ZNF420: variants seen among roughly 807,000 people sequenced by gnomAD.
ZNF420 encodes zinc finger protein 420.
In ZNF420, 31 loss-of-function variants were observed where a neutral mutation model predicts 44.7. The ratio of observed to expected loss-of-function variants is 0.69; its 90% CI spans 0.52 to 0.94. The LOEUF (loss-of-function observed/expected upper bound fraction) is 0.94. Ranked by LOEUF, ZNF420 falls within the 40% of genes least tolerant of loss-of-function variation. The pLI, the probability that ZNF420 is intolerant of heterozygous loss-of-function variation, is 0.00. For missense variants in ZNF420, 681 were observed against 827.9 expected (o/e 0.82, Z 2.18); for synonymous variants, 245 against 267.4 (o/e 0.92, Z 0.82).
chr19:37,070,387 C>T (rs1599631831), intron 1 of ZNF420, among the ~76,000 whole-genome samples: 1 of 151,868 alleles, frequency 6.6e-6, no homozygotes, highest in African/African-American at 2.4e-5. Context: ...TCTTAAAATG[C>T]AAGAAAGTAC....
intron 4 of ZNF420, among the ~76,000 whole-genome samples, chr19:37,126,445 A>T (rs1376488646): frequency 6.6e-6 from 1 of 152,164 alleles, no homozygotes; most frequent in African/African-American, 2.4e-5. Context: ...AGACCATGGA[A>T]GGGGAAATAA....
At chr19:37,075,436 G>A (rs1424241248), upstream of ZNF420, among the ~76,000 whole-genome samples, 4 of 151,998 alleles carry the variant, frequency 2.6e-5, no homozygotes, top group Non-Finnish European at 4.4e-5. Context: ...TATGAGTGAT[G>A]CTACCTTGCT....
At chr19:37,014,047 G>A (rs1219432372) in intron 1 of ZNF420, among the ~76,000 whole-genome samples, 1 of 152,208 alleles carries the variant, frequency 6.6e-6, no homozygotes. Flanking sequence ...CCAGGAGAGG[G>A]CCTGTGCCGG....
At chr19:37,024,683 C>T (rs1937569336) in intron 1 of ZNF420, among the ~76,000 whole-genome samples, 1 of 152,152 alleles carries the variant, frequency 6.6e-6, no homozygotes, top group South Asian at 2.1e-4. Context: ...CTCCTGACCT[C>T]AGGTGATCCA....
At chr19:37,085,067 C>G (rs1266268914) in intron 2 of ZNF420, among the ~76,000 whole-genome samples, 1 of 152,110 alleles carries the variant, frequency 6.6e-6, no homozygotes, top group Non-Finnish European at 1.5e-5. Flanking sequence ...AGGTGGGAGC[C>G]TAAATCATTT....
At chr19:37,045,997 C>A (rs1967536364) in intron 1 of ZNF420, among the ~76,000 whole-genome samples, 1 of 152,148 alleles carries the variant, frequency 6.6e-6, no homozygotes, top group Non-Finnish European at 1.5e-5. Context: ...AAGGCAGAAA[C>A]CCCTGATAAA....
Position 37,050,611 on chromosome 19 carries a change from T to C in ZNF420, c.-124-29734T>C, listed in dbSNP as rs552464154. Among the ~76,000 whole-genome samples, 400 of 152,356 alleles carry C rather than the reference T, an allele frequency of 2.6e-3. 3 individuals are homozygous for C. Among genetic ancestry groups the C allele is most frequent in the African/African-American group, 9.2e-3 (383 of 41,572 alleles). On this transcript the variant is annotated intron_variant, in intron 1 of 4. Coordinates refer to the ZNF420 transcript ENST00000587029. ...GTTGCTTATCAGCTTAAGGAGATTT[T>C]GGGCTGAGACAATGGGGTTTTCTAG...
chr19:37,009,198 G>A (rs1386051537), intron 1 of ZNF420, among the ~76,000 whole-genome samples: 2 of 152,110 alleles, frequency 1.3e-5, no homozygotes, highest in Non-Finnish European at 2.9e-5. Context: ...AGCCAATAAT[G>A]TCAGGGAGCC....
intron 1 of ZNF420, among the ~76,000 whole-genome samples, chr19:37,009,272 G>A (rs924221254): frequency 6.6e-6 from 1 of 152,158 alleles, no homozygotes; most frequent in African/African-American, 2.4e-5. Context: ...GCGGTGGAGG[G>A]ATGGAGGTGG....
chr19:37,011,674 G>A (rs1333277222), intron 1 of ZNF420, among the ~76,000 whole-genome samples: 1 of 147,950 alleles, frequency 6.8e-6, no homozygotes, highest in Non-Finnish European at 1.5e-5. Flanking sequence ...TTTCCTTGAC[G>A]TTGTTGGGGA....
chr19:37,011,449 C>T (rs538878530), intron 1 of ZNF420, among the ~76,000 whole-genome samples: 1 of 152,270 alleles, frequency 6.6e-6, no homozygotes, highest in East Asian at 1.9e-4. Flanking sequence ...GACTGCCTCC[C>T]AGAACTGAAT....
intron 4 of ZNF420, among the ~76,000 whole-genome samples, chr19:37,095,073 G>C (rs1226808465): frequency 1.3e-5 from 2 of 150,684 alleles, no homozygotes; most frequent in African/African-American, 4.9e-5. Flanking sequence ...GGAGGTTGCA[G>C]TGAGCTAAGA....
rs932507491 is a variant in ZNF420 at position 37,127,243 on chromosome 19, C to T, written c.252C>T (p.Ser84=). The T allele has an allele frequency of 2.5e-6, 4 of 1,613,078 alleles. No homozygotes were observed. In the African/African-American group the frequency reaches 5.3e-5, roughly 22 times the overall value. ...TTGAAAACTGTGATCTTGAAGAGTC[C>T]AATTCCAGGGATTATTTGGAAGCCA... ...DRLENCDLEE[S]NSRDYLEAKG... Residue 84 remains serine, a synonymous_variant, in exon 5 of 5, where the codon TCC becomes TCT. Transcript: ENST00000337995.
intron 1 of ZNF420, among the ~76,000 whole-genome samples, chr19:37,063,974 C>T: frequency 6.6e-6 from 1 of 152,142 alleles, no homozygotes; most frequent in East Asian, 1.9e-4. Context: ...AACCTTGACA[C>T]TTTTTATTAT....
chr19:37,035,570 A>G (rs982419694), intron 1 of ZNF420, among the ~76,000 whole-genome samples: 1 of 152,212 alleles, frequency 6.6e-6, no homozygotes, highest in African/African-American at 2.4e-5. Context: ...AGATGAAAAC[A>G]AGAAAACATT....
chr19:37,060,964 T>C (rs1967867571), intron 1 of ZNF420, among the ~76,000 whole-genome samples: 1 of 152,030 alleles, frequency 6.6e-6, no homozygotes, highest in Non-Finnish European at 1.5e-5. Flanking sequence ...TGGGGTGAAC[T>C]TTGCAGGAAC....
At chr19:37,116,601 T>C (rs1449164997) in intron 4 of ZNF420, among the ~76,000 whole-genome samples, 1 of 151,942 alleles carries the variant, frequency 6.6e-6, no homozygotes, top group Non-Finnish European at 1.5e-5. Context: ...TGCCAGACAG[T>C]GGGTGCAGGA....
chr19:37,039,651 C>T (rs949753397), intron 1 of ZNF420, among the ~76,000 whole-genome samples: 2 of 151,784 alleles, frequency 1.3e-5, no homozygotes, highest in African/African-American at 4.8e-5. Flanking sequence ...AATCACAAAT[C>T]AGCACTGGCT....
chr19:37,060,370 T>C (rs8108509), intron 1 of ZNF420, among the ~76,000 whole-genome samples: 85,952 of 151,910 alleles, frequency 0.57, 25,989 homozygotes, highest in African/African-American at 0.77. Context: ...GCTGGCCTCT[T>C]TGGACAAGTC....
Sources: gnomAD v4.1 joint callset for allele counts (sites outside exome capture counted in the v4.1 genomes callset) on GRCh38, gnomAD v4.1.1 for gene constraint, MANE v1.5 for transcripts, NCBI Gene and HGNC (gene_info 2026-07-23, HGNC 2026-07-21) for gene names.